BACH2: variants seen among roughly 807,000 people sequenced by gnomAD.
BACH2 encodes the protein BACH transcriptional regulator 2.
A neutral mutation model predicts 61.8 loss-of-function variants in BACH2; 5 were observed. The ratio of observed to expected loss-of-function variants is 0.08; its 90% CI spans 0.04 to 0.17. The LOEUF is 0.17. Ranked by LOEUF, BACH2 falls within the 10% of genes least tolerant of loss-of-function variation. The pLI, the probability that BACH2 is intolerant of heterozygous loss-of-function variation, is 1.00. For synonymous variants in BACH2, 446 were observed against 440.1 expected, an observed-to-expected ratio of 1.01 and a Z score of -0.17; for missense variants, 824 against 1,091.1, an observed-to-expected ratio of 0.76 and a Z score of 3.45.
chr6:90,107,346 T>C (rs1782967162), intron 4 of BACH2, among the ~76,000 whole-genome samples: 1 of 151,488 alleles, frequency 6.6e-6, no homozygotes, highest in African/African-American at 2.4e-5. Flanking sequence ...CATTCCAGCC[T>C]GGAGACAGAG....
At position 90,086,652 on chromosome 6, in the gene BACH2, C is replaced by A. The variant is rs548010865; in HGVS notation, c.-13+2309G>T. Among the ~76,000 whole-genome samples, 6 of 152,262 alleles carry A rather than the reference C, an allele frequency of 3.9e-5. No individual in the cohort carries two copies. The South Asian group carries it at 8.3e-4, about 21-fold the overall frequency. The stretch of plus-strand genomic sequence containing the variant: ...AGCAGGAGCCTGAAGCCATGATTCA[C>A]CTAAGGAGTCATGACAACTTCTTTC... On this transcript the variant is annotated intron_variant, in intron 5 of 8. Coordinates refer to ENST00000257749, the MANE Select transcript of BACH2 (RefSeq NM_021813.4).
At chr6:90,185,854 A>T (rs1768338176) in intron 4 of BACH2, among the ~76,000 whole-genome samples, 1 of 152,220 alleles carries the variant, frequency 6.6e-6, no homozygotes, top group South Asian at 2.1e-4. Context: ...CTCAATTAAA[A>T]ATGTAGACAG....
At chr6:90,187,470 A>C (rs990000334) in intron 4 of BACH2, among the ~76,000 whole-genome samples, 2 of 152,230 alleles carry the variant, frequency 1.3e-5, no homozygotes, top group Non-Finnish European at 2.9e-5. Flanking sequence ...TGCAGTCATG[A>C]AGCAGGGCGA....
chr6:90,043,649 T>C (rs1172852696), intron 5 of BACH2, among the ~76,000 whole-genome samples: 1 of 152,194 alleles, frequency 6.6e-6, no homozygotes, highest in Non-Finnish European at 1.5e-5. Context: ...TATATTCAAG[T>C]GTCACTGACC....
At chr6:90,169,027 T>C (rs569236085) in intron 4 of BACH2, among the ~76,000 whole-genome samples, 1 of 152,310 alleles carries the variant, frequency 6.6e-6, no homozygotes, top group Non-Finnish European at 1.5e-5. Context: ...ATGTTTCCCT[T>C]AATGATGGAA....
intron 6 of BACH2, among the ~76,000 whole-genome samples, chr6:89,961,983 C>T (rs539427902): frequency 5.8e-4 from 89 of 152,264 alleles, no homozygotes; most frequent in African/African-American, 2.1e-3. Context: ...ATTTTTGACC[C>T]AAGAGTGTGT....
At chr6:90,149,712 G>T (rs1212379010) in intron 4 of BACH2, among the ~76,000 whole-genome samples, 2 of 152,220 alleles carry the variant, frequency 1.3e-5, no homozygotes, top group Non-Finnish European at 2.9e-5. Context: ...ATAGGCAGAT[G>T]AAAATCTTTT....
intron 5 of BACH2, among the ~76,000 whole-genome samples, chr6:90,025,772 A>G (rs16882364): frequency 0.13 from 19,469 of 152,226 alleles, 1,315 homozygotes; most frequent in East Asian, 0.18. Context: ...AAGGGTTAAT[A>G]CTAAAAGAAT....
chr6:90,002,488 A>G (rs1299409067), intron 6 of BACH2, among the ~76,000 whole-genome samples: 1 of 152,194 alleles, frequency 6.6e-6, no homozygotes, highest in African/African-American at 2.4e-5. Flanking sequence ...ACAAAATAGA[A>G]GGCCGGGCAT....
chr6:90,103,416 C>T (rs1204612722), intron 4 of BACH2, among the ~76,000 whole-genome samples: 4 of 151,982 alleles, frequency 2.6e-5, no homozygotes, highest in African/African-American at 9.7e-5. Flanking sequence ...ATCTGGTTAT[C>T]GGAGTCATCT....
chr6:90,161,153 T>A (rs535714900), intron 4 of BACH2, among the ~76,000 whole-genome samples: 1 of 149,208 alleles, frequency 6.7e-6, no homozygotes, highest in South Asian at 2.1e-4. Flanking sequence ...CCTTTTACAA[T>A]GGGACAGATC....
chr6:89,969,899 C>G (rs1054077825), intron 6 of BACH2, among the ~76,000 whole-genome samples: 1 of 152,044 alleles, frequency 6.6e-6, no homozygotes, highest in Non-Finnish European at 1.5e-5. Flanking sequence ...GTTGAGTGAG[C>G]AAAACTGGTT....
At chr6:89,982,210 GAA>G (rs1192602346) in intron 6 of BACH2, among the ~76,000 whole-genome samples, 1 of 152,180 alleles carries the variant, frequency 6.6e-6, no homozygotes, top group Non-Finnish European at 1.5e-5. Flanking sequence ...AGCTCATAGA[GAA>G]AAGAGTCTAA....
chr6:90,095,201 T>C (rs1213557311), intron 4 of BACH2, among the ~76,000 whole-genome samples: 1 of 151,138 alleles, frequency 6.6e-6, no homozygotes, highest in Non-Finnish European at 1.5e-5. Context: ...ATGTTAATTG[T>C]TAATTTTTTG....
At chr6:90,252,968 G>C (rs1270030587) in intron 2 of BACH2, among the ~76,000 whole-genome samples, 1 of 152,214 alleles carries the variant, frequency 6.6e-6, no homozygotes, top group Non-Finnish European at 1.5e-5. Context: ...TTTAGGGCCA[G>C]GTGCAGTGGC....
At chr6:89,974,481 T>C (rs1259815452) in intron 6 of BACH2, among the ~76,000 whole-genome samples, 1 of 152,240 alleles carries the variant, frequency 6.6e-6, no homozygotes, top group Non-Finnish European at 1.5e-5. Context: ...CTGGGTCAGA[T>C]AATTTTTTAA....
chr6:89,993,494 G>A (rs924282111), intron 6 of BACH2, among the ~76,000 whole-genome samples: 1 of 152,062 alleles, frequency 6.6e-6, no homozygotes, highest in Non-Finnish European at 1.5e-5. Flanking sequence ...GGAAAACCCT[G>A]GCAATCCATG....
intron 6 of BACH2, among the ~76,000 whole-genome samples, chr6:89,958,295 A>T (rs538848059): frequency 2.6e-5 from 4 of 152,092 alleles, no homozygotes; most frequent in Admixed American, 6.6e-5. Flanking sequence ...TCATTTTTTC[A>T]TTCTCCAACG....
At chr6:90,084,115 G>T (rs2127805873) in intron 5 of BACH2, among the ~76,000 whole-genome samples, 1 of 152,034 alleles carries the variant, frequency 6.6e-6, no homozygotes, top group East Asian at 1.9e-4. Context: ...GAAGGGGAGG[G>T]GGTGGGGAAG....
Sources: allele counts gnomAD v4.1 joint callset (sites outside exome capture counted in the v4.1 genomes callset), GRCh38; gene constraint gnomAD v4.1.1; transcripts MANE v1.5; gene names NCBI Gene and HGNC (gene_info 2026-07-23, HGNC 2026-07-21).